The following SYNE1 variants were observed in gnomAD, a reference collection of about 807,000 sequenced individuals.
SYNE1 encodes spectrin repeat containing nuclear envelope protein 1.
In SYNE1, 616 loss-of-function variants were observed where a neutral mutation model predicts 1,111.0. The observed-to-expected ratio is 0.55, with a 90% CI of 0.52 to 0.59. The LOEUF (loss-of-function observed/expected upper bound fraction) is 0.59, where lower values mean the gene tolerates loss of function less well. SYNE1 is among the 20% of genes least tolerant of loss of function. The pLI is 0.00. For synonymous variants in SYNE1, 3,855 were observed against 3,825.8 expected (o/e 1.01, Z -0.28); for missense variants, 10,006 against 10,417.0 (o/e 0.96, Z 1.72).
Position 152,207,831 on chromosome 6 carries a change from G to A in SYNE1, c.22824+141C>T. 19 of 831,626 alleles carry A rather than the reference G, an allele frequency of 2.3e-5. 1 individual carries two copies. The highest frequency in any genetic ancestry group is 1.6e-4 in the South Asian group (11 of 69,128). The allele number at this position is 831,626 out of a possible 1,614,324, so 51.5% of individuals were successfully genotyped here. A position where few individuals can be genotyped will look rare whatever the true frequency, so the allele number is the denominator to read the frequency against. ...ATGGGCTTTGTATTGCAATCATTTT[G>A]TATATTTCTGTTGACATTTGAGAAC... On this transcript the variant is annotated intron_variant, in intron 125 of 145. Transcript: ENST00000367255.
chr6:152,551,624 G>A (rs891649224), intron 3 of SYNE1, among the ~76,000 whole-genome samples: 1 of 152,094 alleles, frequency 6.6e-6, no homozygotes, highest in Non-Finnish European at 1.5e-5. Context: ...AAATATATTA[G>A]TATATTTAAA....
chr6:152,318,475 G>A, intron 85 of SYNE1: 1 of 626,782 alleles, frequency 1.6e-6, no homozygotes, highest in Non-Finnish European at 2.8e-6. Context: ...GAGGCTGAGT[G>A]AGAAGGCTAA....
At chr6:152,586,655 T>TACACACACACAC (rs10530898) in intron 3 of SYNE1, among the ~76,000 whole-genome samples, 1 of 149,376 alleles carries the variant, frequency 6.7e-6, no homozygotes, top group African/African-American at 2.5e-5. Context: ...CATACTCTCA[T>TACACACACACAC]ACACACACAC....
intron 6 of SYNE1, 68 bp from the exon 7 acceptor site, chr6:152,511,171 A>G: frequency 7.2e-7 from 1 of 1,395,438 alleles, no homozygotes; most frequent in East Asian, 2.3e-5. Context: ...TTATGTAACA[A>G]TTAGGCCTTT....
intron 40 of SYNE1, among the ~76,000 whole-genome samples, chr6:152,417,826 A>C (rs1339683461): frequency 2.6e-5 from 4 of 152,306 alleles, no homozygotes; most frequent in South Asian, 4.1e-4. Flanking sequence ...TATACATATA[A>C]ATCTTTAAAA....
chr6:152,359,237 C>T lies in SYNE1; in HGVS notation c.10443+78G>A, dbSNP rs1046195261. 15 of 1,591,266 alleles carry T rather than the reference C, an allele frequency of 9.4e-6. No individual in the cohort carries two copies. The African/African-American group carries it at 2.0e-4, about 21-fold the overall frequency. On this transcript the variant is annotated intron_variant, in intron 65 of 145. Coordinates refer to ENST00000367255, the MANE Select transcript of SYNE1 (RefSeq NM_182961.4). ...TTTTCCCAAGCCTGTCATTCTTGAA[C>T]ATAAATGAGTCTTTAAAGGAGCACA... is the stretch of plus-strand genomic sequence containing the variant.
chr6:152,150,263 A>G (rs1393899863), intron 135 of SYNE1, among the ~76,000 whole-genome samples: 1 of 152,238 alleles, frequency 6.6e-6, no homozygotes, highest in Non-Finnish European at 1.5e-5. Context: ...ATCACTGGGT[A>G]TGTTTCAGTG....
chr6:152,309,803 T>C (rs770281793), intron 90 of SYNE1, 32 bp downstream of exon 90: 12 of 1,612,044 alleles, frequency 7.4e-6, no homozygotes, highest in Non-Finnish European at 1.0e-5. Flanking sequence ...TCATCAGCAA[T>C]TGCTCTACTG....
intron 101 of SYNE1, among the ~76,000 whole-genome samples, chr6:152,257,976 G>A (rs909156419): frequency 3.9e-5 from 6 of 152,120 alleles, no homozygotes; most frequent in African/African-American, 1.4e-4. Flanking sequence ...GCCTAGATAA[G>A]CTGTTGAAAC....
intron 57 of SYNE1, 106 bp from the exon 58 acceptor site, chr6:152,376,664 A>T: frequency 1.9e-6 from 3 of 1,555,334 alleles, no homozygotes; most frequent in Non-Finnish European, 2.6e-6. Flanking sequence ...TACCTCACTT[A>T]GTAATATATT....
At chr6:152,284,366 G>A (rs892480788) in intron 95 of SYNE1, among the ~76,000 whole-genome samples, 194 bp from the exon 96 acceptor site, 1 of 152,162 alleles carries the variant, frequency 6.6e-6, no homozygotes, top group Non-Finnish European at 1.5e-5. Flanking sequence ...TTTTATGTAT[G>A]TATCACTAAC....
At chr6:152,317,713 C>T (rs1050352042) in intron 86 of SYNE1, among the ~76,000 whole-genome samples, 7 of 152,154 alleles carry the variant, frequency 4.6e-5, no homozygotes, top group South Asian at 4.1e-4. Flanking sequence ...ATTAAGTCAA[C>T]GTAAGCTGAT....
chr6:152,547,829 T>C (rs1483782893), intron 3 of SYNE1, among the ~76,000 whole-genome samples: 1 of 152,188 alleles, frequency 6.6e-6, no homozygotes, highest in Non-Finnish European at 1.5e-5. Flanking sequence ...ATCCATGTCA[T>C]TGCAAATGGT....
chr6:152,230,518 G>T, intron 115 of SYNE1, 29 bp downstream of exon 115: 1 of 1,609,802 alleles, frequency 6.2e-7, no homozygotes, highest in East Asian at 2.2e-5. Flanking sequence ...ATTGTGAGAT[G>T]GTGCATGTTA....
intron 87 of SYNE1, chr6:152,316,033 ATATTT>A (rs1331940177): frequency 6.6e-6 from 1 of 152,250 alleles, no homozygotes; most frequent in Non-Finnish European, 1.5e-5. Flanking sequence ...AAGTCACCCT[ATATTT>A]TATTATATGA....
intron 128 of SYNE1, among the ~76,000 whole-genome samples, chr6:152,186,059 G>A (rs1476695654): frequency 6.6e-6 from 1 of 152,176 alleles, no homozygotes; most frequent in African/African-American, 2.4e-5. Flanking sequence ...CACTGAAGAT[G>A]CAAAGAAATG....
At chr6:152,453,520 C>A (rs971839895) in intron 25 of SYNE1, 66 bp downstream of exon 25, 1 of 1,611,532 alleles carries the variant, frequency 6.2e-7, no homozygotes, top group African/African-American at 1.3e-5. Context: ...TACATTTGGA[C>A]CTTAACACGC....
intron 11 of SYNE1, among the ~76,000 whole-genome samples, chr6:152,494,422 C>A (rs1006171961): frequency 6.6e-6 from 1 of 152,186 alleles, no homozygotes; most frequent in African/African-American, 2.4e-5. Flanking sequence ...ATATTTCCTT[C>A]TTTCCTGTTC....
chr6:152,433,854 C>T lies in SYNE1; in HGVS notation c.4402G>A (p.Glu1468Lys). 1 of 1,613,822 alleles carries T rather than the reference C, an allele frequency of 6.2e-7. No individual in the cohort carries two copies. The change falls in exon 34 of 146, where the codon GAA (glutamate) becomes AAA (lysine). Residue 1468 changes from glutamate to lysine, a missense_variant. Glu to Lys is a moderately conservative substitution (Grantham distance 56). Around this residue, in one of 7 missense-constraint regions of SYNE1, gnomAD observed 1,971 missense variants for 2,084.1 expected, o/e 0.95. Coordinates refer to ENST00000367255, the MANE Select transcript of SYNE1 (RefSeq NM_182961.4). ...LSVWITEKEK[E>K]LNALETSSSA... ...GACGAAGTTTCCAAGGCATTGAGTT[C>T]TTTTTCTTTCTCAGTTATCCAGACG...
Sources: allele counts gnomAD v4.1 joint callset (sites outside exome capture counted in the v4.1 genomes callset), GRCh38; gene constraint gnomAD v4.1.1; regional missense constraint gnomAD v4.1.1; transcripts MANE v1.5; gene names NCBI Gene and HGNC (gene_info 2026-07-23, HGNC 2026-07-21).